SUN1: variants seen among roughly 807,000 people sequenced by gnomAD.
SUN1 encodes the protein Sad1 and UNC84 domain containing 1.
Under a neutral mutation model 103.2 loss-of-function variants are expected in SUN1, and 61 were observed. The observed-to-expected ratio is 0.59, with a 90% confidence interval of 0.48 to 0.73. The LOEUF is 0.73. SUN1 is among the 30% of genes least tolerant of loss of function. The pLI, the probability that SUN1 is intolerant of heterozygous loss-of-function variation, is 0.00. For missense variants in SUN1, 1,052 were observed against 1,034.6 expected (o/e 1.02, Z -0.23); for synonymous variants, 490 against 425.7 (o/e 1.15, Z -1.86).
intron 6 of SUN1, 66 bp downstream of exon 6, chr7:851,548 G>A: frequency 2.5e-6 from 3 of 1,208,756 alleles, no homozygotes; most frequent in Non-Finnish European, 3.3e-6. Context: ...ACCTGCACTC[G>A]ATTTACCTAA....
chr7:858,548 G>A (rs1458632292), intron 13 of SUN1, among the ~76,000 whole-genome samples: 1 of 152,184 alleles, frequency 6.6e-6, no homozygotes, highest in Non-Finnish European at 1.5e-5. Flanking sequence ...TGCAGCCCAG[G>A]GCCAGCACTG....
upstream of SUN1, chr7:816,540 C>T: frequency 2.8e-6 from 1 of 362,736 alleles, no homozygotes. Flanking sequence ...TCGGGTGGCG[C>T]GCTCGGGACT....
Position 857,938 on chromosome 7 carries a change from T to C in SUN1, c.1505T>C (p.Val502Ala), listed in dbSNP as rs1829005584. ...WRHVKTGCET[V>A]DAVQERVDVQ... ...CACGTGAAGACCGGCTGTGAGACAG[T>C]GGATGCCGTACAAGAAAGAGTGAGC... The change falls in exon 13 of 19, where the codon GTG becomes GCG. Residue 502 changes from valine to alanine, a missense_variant. By Grantham distance (64) the Val-to-Ala change is moderately conservative (BLOSUM62 0). Coordinates refer to ENST00000401592, the MANE Select transcript of SUN1 (RefSeq NM_001130965.3). 8 of 1,590,706 alleles carry C rather than the reference T, an allele frequency of 5.0e-6. No individual in the cohort carries two copies. The African/African-American group carries it at 8.0e-5, about 16-fold the overall frequency.
chr7:857,258 T>G (rs1179640196), intron 12 of SUN1, among the ~76,000 whole-genome samples: 1 of 152,244 alleles, frequency 6.6e-6, no homozygotes, highest in Non-Finnish European at 1.5e-5. Context: ...GTTCCTCTTC[T>G]GTGAGGACAG....
chr7:863,032 C>G (rs949547931), intron 15 of SUN1, among the ~76,000 whole-genome samples: 2 of 152,150 alleles, frequency 1.3e-5, no homozygotes, highest in African/African-American at 4.8e-5. Context: ...GTCCCAGCTA[C>G]TTGGGAGGCT....
intron 5 of SUN1, among the ~76,000 whole-genome samples, chr7:845,296 C>T (rs1450803059): frequency 6.6e-6 from 1 of 152,028 alleles, no homozygotes; most frequent in African/African-American, 2.4e-5. Context: ...TCCCCTCGGA[C>T]GTCGGTGTCG....
At chr7:827,885 T>C (rs1324312527), upstream of SUN1, among the ~76,000 whole-genome samples, 1 of 152,158 alleles carries the variant, frequency 6.6e-6, no homozygotes, top group Non-Finnish European at 1.5e-5. Flanking sequence ...AGAAACCTAG[T>C]ATAACTTACG....
At chr7:817,852 A>C (rs1782280420) in intron 1 of SUN1, among the ~76,000 whole-genome samples, 1 of 151,938 alleles carries the variant, frequency 6.6e-6, no homozygotes, top group Non-Finnish European at 1.5e-5. Flanking sequence ...TGGAAATACT[A>C]CTGTTTGGGC....
chr7:854,862 G>A, intron 10 of SUN1, 58 bp from the exon 11 acceptor site: 1 of 1,346,118 alleles, frequency 7.4e-7, no homozygotes, highest in Admixed American at 1.9e-5. Flanking sequence ...GGCCTGATTT[G>A]CCAGGTTTTT....
At chr7:866,711 C>T (rs1393107738) in intron 16 of SUN1, among the ~76,000 whole-genome samples, 1 of 38,386 alleles carries the variant, frequency 2.6e-5, no homozygotes, top group Non-Finnish European at 5.3e-5. Context: ...CGTGGGCCTT[C>T]GCCCCCCCCC....
At chr7:845,142 C>T (rs999844926) in intron 5 of SUN1, among the ~76,000 whole-genome samples, 9 of 152,128 alleles carry the variant, frequency 5.9e-5, no homozygotes, top group Non-Finnish European at 8.8e-5. Flanking sequence ...TCTCCCTACG[C>T]GTGTTGTAGT....
At chr7:830,833 C>T (rs1327736547), upstream of SUN1, 4 of 515,730 alleles carry the variant, frequency 7.8e-6, no homozygotes, top group East Asian at 1.5e-4. Flanking sequence ...CGGGAGTGGG[C>T]GTTCGCTGAG....
chr7:843,032 A>G lies in SUN1; in HGVS notation c.452-174A>G, dbSNP rs1238090524. On this transcript the variant is annotated intron_variant, in intron 3 of 18. Transcript: ENST00000401592. ...CAAGGATAAGCTTTCACCTTCAGTCAGAAGATGGTATCTGCATATATCTGG... is the reference window on the plus strand; with the variant it reads ...CAAGGATAAGCTTTCACCTTCAGTCGGAAGATGGTATCTGCATATATCTGG... 3 of 880,330 alleles carry G rather than the reference A, an allele frequency of 3.4e-6. No homozygotes were observed. In the East Asian group the frequency reaches 7.7e-5, roughly 23 times the overall value. 54.5% of individuals were successfully genotyped at this position (880,330 alleles called of 1,614,324 possible).
At chr7:817,156 C>G in intron 1 of SUN1, 2 of 470,470 alleles carry the variant, frequency 4.3e-6, no homozygotes, top group Non-Finnish European at 7.7e-6. Flanking sequence ...GGGGGGGTCT[C>G]GCTGTGTTTC....
chr7:831,566 G>A (rs1290734738), upstream of SUN1, among the ~76,000 whole-genome samples: 4 of 152,152 alleles, frequency 2.6e-5, no homozygotes, highest in African/African-American at 9.7e-5. Flanking sequence ...CACCGCACCC[G>A]GCCGAAACAT....
intron 16 of SUN1, 169 bp from the exon 17 acceptor site, chr7:869,180 G>A: frequency 2.5e-6 from 2 of 785,064 alleles, no homozygotes; most frequent in South Asian, 1.8e-5. Flanking sequence ...GGCCCTCTGA[G>A]GAGTGAATTA....
intron 15 of SUN1, among the ~76,000 whole-genome samples, chr7:863,299 C>G (rs749725210): frequency 2.0e-5 from 3 of 150,624 alleles, no homozygotes; most frequent in Non-Finnish European, 3.0e-5. Flanking sequence ...CGAGCTCGCC[C>G]TTGCTGCCCG....
chr7:832,759 G>T (rs968543481), intron 1 of SUN1, among the ~76,000 whole-genome samples, 158 bp downstream of exon 1: 1 of 152,200 alleles, frequency 6.6e-6, no homozygotes, highest in East Asian at 1.9e-4. Context: ...TTTAGAGGTG[G>T]TTTTTTCTTA....
intron 17 of SUN1, among the ~76,000 whole-genome samples, chr7:871,668 G>A (rs570538497): frequency 6.6e-6 from 1 of 152,276 alleles, no homozygotes; most frequent in African/African-American, 2.4e-5. Flanking sequence ...GATTACAGGC[G>A]TGAGCCACTG....
Sources: allele counts gnomAD v4.1 joint callset (sites outside exome capture counted in the v4.1 genomes callset), GRCh38; gene constraint gnomAD v4.1.1; transcripts MANE v1.5; gene names NCBI Gene and HGNC (gene_info 2026-07-23, HGNC 2026-07-21).